Variants in PRUNE2 observed in about 807,000 individuals in gnomAD.
The protein encoded by PRUNE2 is prune homolog 2 with BCH domain, also known as protein prune homolog 2.
Under a neutral mutation model 252.0 loss-of-function variants are expected in PRUNE2, and 164 were observed. The ratio of observed to expected loss-of-function variants is 0.65; its 90% CI spans 0.57 to 0.74. The LOEUF (loss-of-function observed/expected upper bound fraction) is 0.74. PRUNE2 is among the 30% of genes least tolerant of loss of function. PRUNE2 has a pLI of 0.00. For missense variants in PRUNE2, 3,495 were observed against 3,711.0 expected (o/e 0.94, Z 1.51); for synonymous variants, 1,292 against 1,350.2 (o/e 0.96, Z 0.94).
intron 4 of PRUNE2, among the ~76,000 whole-genome samples, chr9:76,838,407 G>A (rs1388039455): frequency 1.3e-5 from 2 of 151,904 alleles, no homozygotes; most frequent in African/African-American, 2.4e-5. Flanking sequence ...CACTTTGGGG[G>A]GCCGAGGCAG....
At chr9:76,694,261 C>A (rs1191365013) in intron 9 of PRUNE2, among the ~76,000 whole-genome samples, 1 of 152,014 alleles carries the variant, frequency 6.6e-6, no homozygotes, top group Non-Finnish European at 1.5e-5. Context: ...CGGTTCACTG[C>A]AACCTCTGCC....
chr9:76,843,543 G>C (rs949474648), intron 4 of PRUNE2, among the ~76,000 whole-genome samples: 4 of 152,104 alleles, frequency 2.6e-5, no homozygotes, highest in Non-Finnish European at 5.9e-5. Context: ...AAGTAACATG[G>C]TAGCTGCTTA....
intron 6 of PRUNE2, among the ~76,000 whole-genome samples, chr9:76,727,917 T>C (rs566000229): frequency 2.6e-5 from 4 of 152,082 alleles, no homozygotes; most frequent in Non-Finnish European, 4.4e-5. Flanking sequence ...GGTTTCACCA[T>C]GTTGTCCAGG....
intron 4 of PRUNE2, among the ~76,000 whole-genome samples, chr9:76,836,479 A>G (rs556271342): frequency 2.6e-5 from 4 of 151,798 alleles, no homozygotes; most frequent in African/African-American, 9.7e-5. Context: ...GTGGGCAAGG[A>G]AGGGGAGAAG....
intron 9 of PRUNE2, among the ~76,000 whole-genome samples, chr9:76,683,177 TCCCCGCC>T (rs1281906581): frequency 1.3e-5 from 2 of 152,062 alleles, no homozygotes; most frequent in Admixed American, 6.6e-5. Context: ...ATCAACAGAG[TCCCCGCC>T]CCTGCCAGAG....
At chr9:76,725,606 C>T (rs1399279454) in intron 6 of PRUNE2, among the ~76,000 whole-genome samples, 1 of 152,160 alleles carries the variant, frequency 6.6e-6, no homozygotes, top group African/African-American at 2.4e-5. Flanking sequence ...TTTCACCACC[C>T]ATCTATGTGT....
At chr9:76,894,967 A>C (rs1275097954) in intron 1 of PRUNE2, among the ~76,000 whole-genome samples, 1 of 151,940 alleles carries the variant, frequency 6.6e-6, no homozygotes, top group Non-Finnish European at 1.5e-5. Flanking sequence ...TAGAGGTTGC[A>C]GTGAGCCAAG....
intron 1 of PRUNE2, among the ~76,000 whole-genome samples, chr9:76,856,841 C>T (rs1406230582): frequency 6.6e-6 from 1 of 151,962 alleles, no homozygotes; most frequent in Non-Finnish European, 1.5e-5. Context: ...GCAACCTCCG[C>T]CTCCCAGGTT....
chr9:76,705,621 A>G lies in PRUNE2; in HGVS notation c.6653T>C (p.Leu2218Ser), dbSNP rs2046256896. 1 of 1,614,046 alleles carries G rather than the reference A, an allele frequency of 6.2e-7. No homozygotes were observed. The highest frequency in any genetic ancestry group is 8.5e-7 in the Non-Finnish European group (1 of 1,179,886). Residue 2218 changes from leucine (L) to serine (S), a missense_variant, in exon 8 of 19, where the codon TTG becomes TCG. Physicochemically the swap from Leu to Ser is moderately radical, Grantham distance 145. Transcript: ENST00000376718. ...KGASPDMAPI[L>S]EPVDRRIPRI... ...TGGGATTCTTCTGTCAACTGGTTCC[A>G]AAATTGGTGCCATATCTGGGCTGGC...
chr9:76,695,454 C>A (rs1364601551), intron 9 of PRUNE2, among the ~76,000 whole-genome samples: 2 of 152,048 alleles, frequency 1.3e-5, no homozygotes, highest in East Asian at 1.9e-4. Context: ...GAGTGACTAA[C>A]AAAACTCTAA....
At chr9:76,658,983 G>A (rs539581360) in intron 9 of PRUNE2, among the ~76,000 whole-genome samples, 4 of 152,336 alleles carry the variant, frequency 2.6e-5, no homozygotes, top group Non-Finnish European at 5.9e-5. Flanking sequence ...TGAAGAAAGA[G>A]TGGAAGGGAG....
chr9:76,839,243 G>T (rs11145097), intron 4 of PRUNE2, among the ~76,000 whole-genome samples: 28,096 of 151,952 alleles, frequency 0.18, 3,340 homozygotes, highest in African/African-American at 0.32. Context: ...AGTGTTTATC[G>T]AGGGCCTACT....
At chr9:76,852,921 G>A (rs915738574) in intron 2 of PRUNE2, among the ~76,000 whole-genome samples, 6 of 152,048 alleles carry the variant, frequency 3.9e-5, no homozygotes, top group Non-Finnish European at 1.5e-5. Context: ...GTAGGTGGTA[G>A]TGGTGGTATT....
Position 76,849,007 on chromosome 9 carries a change from C to A in PRUNE2, c.344+1456G>T, listed in dbSNP as rs554531271. ...CATTGCAGCCTCAACCTCCCAGGCT[C>A]AATTGATCCTTTCACCTCAGCCTCC... On this transcript the variant is annotated intron_variant, in intron 3 of 18. Transcript: ENST00000376718. Among the ~76,000 whole-genome samples the A allele has an allele frequency of 3.3e-5, 5 of 152,282 alleles. No homozygotes were observed. The East Asian group carries it at 9.6e-4, about 29-fold the overall frequency.
At position 76,644,434 on chromosome 9, in the gene PRUNE2, A is replaced by G. The variant is rs546352406; in HGVS notation, c.8728+305T>C. 1.1e-3 allele frequency: 457 copies of G among 413,964 alleles called. 4 individuals carry two copies. The highest frequency in any genetic ancestry group is 6.2e-3 in the South Asian group (304 of 48,790). The allele number at this position is 413,964 out of a possible 1,614,324, so 25.6% of individuals were successfully genotyped here. On this transcript the variant is annotated intron_variant, in intron 12 of 18. Coordinates refer to ENST00000376718, the MANE Select transcript of PRUNE2 (RefSeq NM_015225.3). Reference sequence around the variant, plus strand: ...TCAACCGTACAATGGACTGATAAGAATGCCAAACAGACATTTAAATTAGAC... The same window carrying G: ...TCAACCGTACAATGGACTGATAAGAGTGCCAAACAGACATTTAAATTAGAC...
chr9:76,687,839 C>T (rs139685387), intron 9 of PRUNE2, among the ~76,000 whole-genome samples: 13 of 152,058 alleles, frequency 8.5e-5, no homozygotes, highest in African/African-American at 2.7e-4. Flanking sequence ...GGCTAAAAGA[C>T]ATGAGAGTCC....
chr9:76,812,572 C>T (rs1204858814), intron 6 of PRUNE2, among the ~76,000 whole-genome samples: 1 of 152,176 alleles, frequency 6.6e-6, no homozygotes, highest in Admixed American at 6.5e-5. Context: ...AGATATACTT[C>T]GACTACACAC....
intron 11 of PRUNE2, 62 bp downstream of exon 11, chr9:76,652,421 C>CTGTT: frequency 1.7e-6 from 2 of 1,144,590 alleles, no homozygotes; most frequent in Non-Finnish European, 1.3e-6. Flanking sequence ...AATGAGAGGT[C>CTGTT]TGTTAGAAAA....
intron 1 of PRUNE2, among the ~76,000 whole-genome samples, chr9:76,873,742 G>A (rs1001471322): frequency 1.3e-5 from 2 of 152,154 alleles, no homozygotes; most frequent in African/African-American, 4.8e-5. Flanking sequence ...AACTATGGAC[G>A]GGCTACCCGA....
Sources: gnomAD v4.1 joint callset for allele counts (sites outside exome capture counted in the v4.1 genomes callset) on GRCh38, gnomAD v4.1.1 for gene constraint, MANE v1.5 for transcripts, NCBI Gene and HGNC (gene_info 2026-07-23, HGNC 2026-07-21) for gene names.